KCNIP4: variants seen among roughly 807,000 people sequenced by gnomAD.
KCNIP4 encodes potassium voltage-gated channel interacting protein 4.
KCNIP4 carries 12 observed loss-of-function variants against 34.0 expected under a neutral mutation model. The observed-to-expected ratio is 0.35, with a 90% CI of 0.23 to 0.57. The LOEUF (loss-of-function observed/expected upper bound fraction) is 0.57. Ranked by LOEUF, KCNIP4 falls within the 20% of genes least tolerant of loss-of-function variation. KCNIP4 has a pLI of 0.83. For missense variants in KCNIP4, 238 were observed against 311.7 expected (o/e 0.76, Z 1.78); for synonymous variants, 124 against 102.2 (o/e 1.21, Z -1.29).
intron 1 of KCNIP4, among the ~76,000 whole-genome samples, chr4:21,208,651 C>T (rs545554975): frequency 9.9e-5 from 15 of 152,244 alleles, no homozygotes; most frequent in East Asian, 3.9e-4. Flanking sequence ...CTTCCTAAAG[C>T]CTTCTGCAAT....
At chr4:21,261,468 C>T (rs11735059) in intron 1 of KCNIP4, among the ~76,000 whole-genome samples, 42,230 of 152,042 alleles carry the variant, frequency 0.28, 6,172 homozygotes, top group South Asian at 0.33. Flanking sequence ...CCACCTTCCA[C>T]TGAATCAATT....
intron 1 of KCNIP4, among the ~76,000 whole-genome samples, chr4:21,498,603 G>T (rs1733044208): frequency 6.6e-6 from 1 of 152,206 alleles, no homozygotes; most frequent in Non-Finnish European, 1.5e-5. Context: ...GACCAGCTCA[G>T]CTGGGGGAAA....
At chr4:21,425,924 C>T (rs1483956842) in intron 1 of KCNIP4, among the ~76,000 whole-genome samples, 1 of 152,036 alleles carries the variant, frequency 6.6e-6, no homozygotes, top group Non-Finnish European at 1.5e-5. Flanking sequence ...TGTAGTGGTG[C>T]ATCTCTGTCG....
chr4:20,739,453 G>C (rs1475564107), intron 5 of KCNIP4, among the ~76,000 whole-genome samples: 2 of 152,130 alleles, frequency 1.3e-5, no homozygotes, highest in African/African-American at 4.8e-5. Context: ...AGGCAAACAG[G>C]GTCTGGAGTG....
intron 1 of KCNIP4, among the ~76,000 whole-genome samples, chr4:21,523,631 G>A (rs1735727617): frequency 6.6e-6 from 1 of 151,702 alleles, no homozygotes; most frequent in South Asian, 2.1e-4. Flanking sequence ...GAGTGCAATA[G>A]TACAATCATA....
At chr4:21,582,214 C>G (rs1442305174) in intron 1 of KCNIP4, 1 of 151,912 alleles carries the variant, frequency 6.6e-6, no homozygotes, top group African/African-American at 2.4e-5. Flanking sequence ...TTCTTACTTA[C>G]TAGGTAATAT....
intron 1 of KCNIP4, among the ~76,000 whole-genome samples, chr4:21,356,548 A>C (rs1718625270): frequency 6.6e-6 from 1 of 152,206 alleles, no homozygotes; most frequent in Non-Finnish European, 1.5e-5. Context: ...CCAAATCATG[A>C]GTGAACTCCC....
intron 1 of KCNIP4, 95 bp downstream of exon 1, chr4:21,948,476 C>A: frequency 3.0e-6 from 4 of 1,354,838 alleles, no homozygotes; most frequent in Non-Finnish European, 4.1e-6. Flanking sequence ...AGGCAACAAG[C>A]GTCCCCAGCC....
At chr4:21,005,774 A>T (rs1340193099) in intron 1 of KCNIP4, among the ~76,000 whole-genome samples, 2 of 152,272 alleles carry the variant, frequency 1.3e-5, no homozygotes, top group South Asian at 4.1e-4. Flanking sequence ...CTTTGGTTAT[A>T]GTGAAGGAGG....
chr4:21,089,691 G>A (rs182190559), intron 1 of KCNIP4, among the ~76,000 whole-genome samples: 246 of 152,190 alleles, frequency 1.6e-3, no homozygotes, highest in Middle Eastern at 6.8e-3. Flanking sequence ...CTCTCTACTG[G>A]GTGGTCCCTC....
At chr4:21,492,908 C>G (rs1732531889) in intron 1 of KCNIP4, among the ~76,000 whole-genome samples, 1 of 152,170 alleles carries the variant, frequency 6.6e-6, no homozygotes, top group Non-Finnish European at 1.5e-5. Context: ...TGTAGAGCCA[C>G]AGTGGAGTAG....
At chr4:21,220,059 G>A (rs1757873340) in intron 1 of KCNIP4, among the ~76,000 whole-genome samples, 2 of 152,122 alleles carry the variant, frequency 1.3e-5, no homozygotes, top group African/African-American at 4.8e-5. Flanking sequence ...ACACAAAGAA[G>A]TTATTAATTA....
chr4:21,425,277 A>T (rs1725836763), intron 1 of KCNIP4, among the ~76,000 whole-genome samples: 1 of 152,216 alleles, frequency 6.6e-6, no homozygotes, highest in African/African-American at 2.4e-5. Flanking sequence ...TTAACAAAAT[A>T]GCCAATTTTC....
chr4:21,486,351 A>G (rs1425755441), intron 1 of KCNIP4, among the ~76,000 whole-genome samples: 4 of 152,068 alleles, frequency 2.6e-5, no homozygotes, highest in Admixed American at 2.6e-4. Context: ...TAATTCCACA[A>G]CTCAAAAGCA....
intron 1 of KCNIP4, among the ~76,000 whole-genome samples, chr4:21,251,090 T>C (rs1760664863): frequency 1.3e-5 from 2 of 151,962 alleles, no homozygotes. Context: ...TGGCCACCAG[T>C]GGGGAATGCG....
intron 1 of KCNIP4, among the ~76,000 whole-genome samples, chr4:21,391,564 C>G (rs1457360248): frequency 6.6e-6 from 1 of 152,120 alleles, no homozygotes; most frequent in Non-Finnish European, 1.5e-5. Flanking sequence ...AATTCACACT[C>G]CTCAGCATGC....
rs1348572418 is a variant in KCNIP4 at position 20,841,441 on chromosome 4, T to A, written c.288+9102A>T. 2.0e-5 allele frequency among the ~76,000 whole-genome samples: 3 copies of A among 152,172 alleles called. No homozygotes were observed. The East Asian group carries it at 5.8e-4, about 29-fold the overall frequency. On this transcript the variant is annotated intron_variant, in intron 3 of 8. Coordinates refer to ENST00000382152, the MANE Select transcript of KCNIP4 (RefSeq NM_025221.6). ...GAGCACATAGCAGAGTCTCCAAACC[T>A]ACTTTAGGAGATATCAGAGAAAGCT... is the stretch of plus-strand genomic sequence containing the variant.
intron 3 of KCNIP4, among the ~76,000 whole-genome samples, chr4:20,844,523 G>T (rs113764167): frequency 1.2e-4 from 18 of 152,236 alleles, no homozygotes; most frequent in Admixed American, 2.0e-4. Flanking sequence ...TTTACTGAGG[G>T]TAACACAGTC....
chr4:20,984,899 G>A (rs1191132133), intron 1 of KCNIP4, among the ~76,000 whole-genome samples: 1 of 151,680 alleles, frequency 6.6e-6, no homozygotes, highest in Non-Finnish European at 1.5e-5. Flanking sequence ...AGAGGAGCCT[G>A]GAGTGTGTGT....
Sources: gnomAD v4.1 joint callset for allele counts (sites outside exome capture counted in the v4.1 genomes callset) on GRCh38, gnomAD v4.1.1 for gene constraint, MANE v1.5 for transcripts, NCBI Gene and HGNC (gene_info 2026-07-23, HGNC 2026-07-21) for gene names.